The following NEDD4L variants were observed in gnomAD, a reference collection of about 807,000 sequenced individuals.
NEDD4L encodes the protein NEDD4 like E3 ubiquitin protein ligase.
A neutral mutation model predicts 148.9 loss-of-function variants in NEDD4L; 54 were observed. The observed-to-expected ratio is 0.36, with a 90% CI of 0.29 to 0.45. NEDD4L has a LOEUF of 0.45. Ranked by LOEUF, NEDD4L falls within the 20% of genes least tolerant of loss-of-function variation. The probability of loss-of-function intolerance (pLI) is 1.00; values close to 1 mark genes in which losing one functional copy is unlikely to be tolerated. For missense variants in NEDD4L, 856 were observed against 1,233.8 expected (o/e 0.69, Z 4.59); for synonymous variants, 433 against 440.7 (o/e 0.98, Z 0.22).
chr18:58,070,754 T>A (rs2082829980), intron 1 of NEDD4L, among the ~76,000 whole-genome samples: 1 of 117,866 alleles, frequency 8.5e-6, no homozygotes, highest in African/African-American at 3.2e-5. Flanking sequence ...CTGGAAAATT[T>A]ATTAATTCAA....
chr18:58,102,637 A>G (rs1355324777), intron 1 of NEDD4L, among the ~76,000 whole-genome samples: 1 of 152,238 alleles, frequency 6.6e-6, no homozygotes, highest in Non-Finnish European at 1.5e-5. Context: ...AAAAATAACA[A>G]TATAACAAAA....
At chr18:58,201,056 G>A (rs2041339785) in intron 2 of NEDD4L, among the ~76,000 whole-genome samples, 1 of 152,198 alleles carries the variant, frequency 6.6e-6, no homozygotes, top group African/African-American at 2.4e-5. Flanking sequence ...AGATTAGGCT[G>A]GTGCATTGGC....
At position 58,164,810 on chromosome 18, in the gene NEDD4L, C is replaced by T. The variant is rs138307991; in HGVS notation, c.49-978C>T. On this transcript the variant is annotated intron_variant, in intron 1 of 30. Transcript: ENST00000400345. ...TTCTTACTCTTAGGCTAGGTTTCTGCAGACCTTGGTTATAACTGCAGGCTC... is the reference window on the plus strand; with the variant it reads ...TTCTTACTCTTAGGCTAGGTTTCTGTAGACCTTGGTTATAACTGCAGGCTC... 1.5e-4 allele frequency among the ~76,000 whole-genome samples: 23 copies of T among 152,346 alleles called. No individual in the cohort carries two copies. In the East Asian group the frequency reaches 4.2e-3, roughly 28 times the overall value.
At chr18:58,393,698 A>G (rs2050121227) in intron 30 of NEDD4L, among the ~76,000 whole-genome samples, 1 of 152,188 alleles carries the variant, frequency 6.6e-6, no homozygotes, top group South Asian at 2.1e-4. Context: ...GGAAACAGAA[A>G]CTTCACTGGC....
chr18:58,371,620 T>C (rs1007532216), intron 23 of NEDD4L: 4 of 152,750 alleles, frequency 2.6e-5, no homozygotes, highest in Non-Finnish European at 5.9e-5. Context: ...GTTGGGTAGA[T>C]GAGCTGTGTC....
At chr18:58,262,981 A>G (rs1312695720) in intron 5 of NEDD4L, among the ~76,000 whole-genome samples, 2 of 152,194 alleles carry the variant, frequency 1.3e-5, no homozygotes, top group African/African-American at 2.4e-5. Context: ...TGCCCTGACA[A>G]TTTTAGAACT....
In NEDD4L at chr18:58,380,243, AT is replaced by A. The variant is rs893369027; in HGVS notation, c.2353-2992del. Among the ~76,000 whole-genome samples, 1,324 of 145,262 alleles carry A rather than the reference AT, an allele frequency of 9.1e-3. 14 individuals carry two copies. The highest frequency in any genetic ancestry group is 0.021 in the African/African-American group (832 of 39,836). ...ATTATTCTCTGTAAGCACAAAACAGATTTTTTTTTTTACAGAAGTGGAATTG... is the reference window on the plus strand; with the variant it reads ...ATTATTCTCTGTAAGCACAAAACAGATTTTTTTTTTACAGAAGTGGAATTG... On this transcript the variant is annotated intron_variant, in intron 24 of 30. Coordinates refer to ENST00000400345, the MANE Select transcript of NEDD4L (RefSeq NM_001144967.3).
intron 2 of NEDD4L, among the ~76,000 whole-genome samples, chr18:58,180,316 G>C (rs1046788563): frequency 6.6e-6 from 1 of 152,070 alleles, no homozygotes; most frequent in Non-Finnish European, 1.5e-5. Context: ...GTGTGACCCG[G>C]GTGCACAGTC....
At chr18:58,058,693 C>A (rs4371241) in intron 1 of NEDD4L, among the ~76,000 whole-genome samples, 122,950 of 152,116 alleles carry the variant, frequency 0.81, 50,254 homozygotes, top group East Asian at 1. Flanking sequence ...TCCAGAATCA[C>A]AGCTGTTAGT....
At chr18:58,208,489 A>G (rs2042191845) in intron 2 of NEDD4L, among the ~76,000 whole-genome samples, 1 of 152,182 alleles carries the variant, frequency 6.6e-6, no homozygotes, top group Non-Finnish European at 1.5e-5. Flanking sequence ...AATGAATGTG[A>G]TTTTATTCGA....
chr18:58,298,694 G>C (rs1011906260), intron 5 of NEDD4L, among the ~76,000 whole-genome samples: 1 of 152,100 alleles, frequency 6.6e-6, no homozygotes, highest in Non-Finnish European at 1.5e-5. Flanking sequence ...AGTAATCACT[G>C]TTCCCTCTGG....
intron 1 of NEDD4L, among the ~76,000 whole-genome samples, chr18:58,159,972 G>A (rs2035994446): frequency 6.6e-6 from 1 of 152,210 alleles, no homozygotes. Context: ...TGTGCAGGAA[G>A]AACACTATTT....
intron 1 of NEDD4L, among the ~76,000 whole-genome samples, chr18:58,139,867 C>T (rs528127226): frequency 1.8e-4 from 27 of 152,092 alleles, no homozygotes; most frequent in Non-Finnish European, 3.1e-4. Context: ...TGGAGAGAGG[C>T]GAGGATGATG....
At chr18:58,279,764 G>A (rs889119222) in intron 5 of NEDD4L, among the ~76,000 whole-genome samples, 1 of 152,232 alleles carries the variant, frequency 6.6e-6, no homozygotes, top group Non-Finnish European at 1.5e-5. Context: ...TAAATCAGGA[G>A]TGAGCAAACT....
Position 58,084,933 on chromosome 18 carries a change from G to T in NEDD4L, c.48+40225G>T, listed in dbSNP as rs552501297. 2.0e-5 allele frequency among the ~76,000 whole-genome samples: 3 copies of T among 151,808 alleles called. No individual in the cohort carries two copies. The East Asian group carries it at 5.8e-4, about 29-fold the overall frequency. ...TGGTCTTGAATTCCTGGGCTCAAGT[G>T]ATCCTCCCACCTCAGCCCCCCAACA... is the stretch of plus-strand genomic sequence containing the variant. On this transcript the variant is annotated intron_variant, in intron 1 of 30. Transcript: ENST00000400345.
rs115323170 is a variant in NEDD4L, at chr18:58,308,602, G to A, written c.298-7380G>A. 2.2e-3 allele frequency among the ~76,000 whole-genome samples: 336 copies of A among 152,346 alleles called. 1 individual carries two copies. The highest frequency in any genetic ancestry group is 7.2e-3 in the African/African-American group (298 of 41,578). ...TCTCTTCACAGAGAGGAGAATAAAG[G>A]CGGTGACCATCAGGGTGACAGGCAG... On this transcript the variant is annotated intron_variant, in intron 5 of 30. Coordinates refer to ENST00000400345, the MANE Select transcript of NEDD4L (RefSeq NM_001144967.3).
At chr18:58,329,263 T>C in intron 10 of NEDD4L, 136 bp downstream of exon 10, 2 of 1,013,606 alleles carry the variant, frequency 2.0e-6, no homozygotes, top group Non-Finnish European at 2.9e-6. Flanking sequence ...AGGGAATTAA[T>C]TACCATCTGA....
In NEDD4L at chr18:58,328,995, G is replaced by A; in HGVS notation, c.681G>A (p.Met227Ile). ...RTTQWHRPSL[M>I]DVSSESDNNI... ...CTTTCCCCCTTTCCTGCATGCTCAG[G>A]GACGTGTCCTCGGAGTCGGACAATA... Residue 227 changes from methionine to isoleucine, a missense_variant and splice_region_variant, in exon 10 of 31, where the codon ATG becomes ATA. By Grantham distance (10) the Met-to-Ile change is conservative. Around this residue, in one of 4 missense-constraint regions of NEDD4L, gnomAD observed 367 missense variants for 422.7 expected, o/e 0.87. Coordinates refer to ENST00000400345, the MANE Select transcript of NEDD4L (RefSeq NM_001144967.3). 1 of 1,613,950 alleles carries A rather than the reference G, an allele frequency of 6.2e-7. No individual in the cohort carries two copies. Among genetic ancestry groups the A allele is most frequent in the Non-Finnish European group, 8.5e-7 (1 of 1,179,872 alleles).
At chr18:58,206,184 T>A (rs780476528) in intron 2 of NEDD4L, among the ~76,000 whole-genome samples, 31 of 152,020 alleles carry the variant, frequency 2.0e-4, no homozygotes, top group Non-Finnish European at 3.7e-4. Flanking sequence ...AGGTCAGGAG[T>A]TCGGGACCAG....
Sources: gnomAD v4.1 joint callset for allele counts (sites outside exome capture counted in the v4.1 genomes callset) on GRCh38, gnomAD v4.1.1 for gene constraint, gnomAD v4.1.1 regional missense constraint, MANE v1.5 for transcripts, NCBI Gene and HGNC (gene_info 2026-07-23, HGNC 2026-07-21) for gene names.